Variants in FNDC3A observed in about 807,000 individuals in gnomAD.
FNDC3A encodes fibronectin type-III domain-containing protein 3A.
FNDC3A carries 32 observed loss-of-function variants against 148.9 expected under a neutral mutation model. The observed-to-expected ratio is 0.21, with a 90% CI of 0.16 to 0.29. The LOEUF (loss-of-function observed/expected upper bound fraction) is 0.29. Among genes scored for constraint, FNDC3A ranks in the 10% least tolerant of loss-of-function variants. The probability of loss-of-function intolerance (pLI) is 1.00; values close to 1 mark genes in which losing one functional copy is unlikely to be tolerated. For synonymous variants in FNDC3A, 472 were observed against 473.6 expected, an observed-to-expected ratio of 1.00 and a Z score of 0.04; for missense variants, 1,191 against 1,452.8, an observed-to-expected ratio of 0.82 and a Z score of 2.93.
At chr13:48,994,070 T>G (rs1369857331) in intron 1 of FNDC3A, among the ~76,000 whole-genome samples, 1 of 152,190 alleles carries the variant, frequency 6.6e-6, no homozygotes, top group Non-Finnish European at 1.5e-5. Context: ...TTAAATTACC[T>G]CTATTGATTG....
At chr13:49,162,852 T>C (rs1271645516) in intron 8 of FNDC3A, among the ~76,000 whole-genome samples, 1 of 152,216 alleles carries the variant, frequency 6.6e-6, no homozygotes, top group African/African-American at 2.4e-5. Context: ...TTAGTTTTCC[T>C]TCTAACAGTC....
At chr13:49,093,977 T>C (rs1879357791) in intron 3 of FNDC3A, among the ~76,000 whole-genome samples, 1 of 152,090 alleles carries the variant, frequency 6.6e-6, no homozygotes. Flanking sequence ...TAATCCTCTG[T>C]TTTGAGGAGT....
Position 49,170,648 on chromosome 13 carries a change from T to G in FNDC3A, c.1177-1395T>G, listed in dbSNP as rs9526528. 3.5e-3 allele frequency among the ~76,000 whole-genome samples: 532 copies of G among 152,346 alleles called. 2 individuals are homozygous for G. The highest frequency in any genetic ancestry group is 5.7e-3 in the Non-Finnish European group (386 of 68,022). ...AACAAATTCAGTTCTGCTCTACTTTTAATGACTTTGTGATCTGGGATGATT... is the reference window on the plus strand; with the variant it reads ...AACAAATTCAGTTCTGCTCTACTTTGAATGACTTTGTGATCTGGGATGATT... On this transcript the variant is annotated intron_variant, in intron 10 of 25. Coordinates refer to ENST00000492622, the MANE Select transcript of FNDC3A (RefSeq NM_001079673.2).
At chr13:49,013,240 G>C (rs1490325460) in intron 2 of FNDC3A, among the ~76,000 whole-genome samples, 1 of 152,042 alleles carries the variant, frequency 6.6e-6, no homozygotes. Context: ...ACTTGAGCCT[G>C]GGGGGTTGAG....
At chr13:49,077,845 T>C (rs758871740) in intron 3 of FNDC3A, among the ~76,000 whole-genome samples, 2 of 152,222 alleles carry the variant, frequency 1.3e-5, no homozygotes, top group South Asian at 4.1e-4. Flanking sequence ...GCAGCAGTTA[T>C]GGCAATTTCA....
At chr13:49,168,009 A>G (rs913420449) in intron 9 of FNDC3A, among the ~76,000 whole-genome samples, 4 of 152,230 alleles carry the variant, frequency 2.6e-5, no homozygotes, top group African/African-American at 9.6e-5. Flanking sequence ...ATTTAATAGG[A>G]AGAACTTAGA....
intron 5 of FNDC3A, among the ~76,000 whole-genome samples, chr13:49,133,697 C>T (rs1272616757): frequency 6.6e-6 from 1 of 152,170 alleles, no homozygotes; most frequent in Non-Finnish European, 1.5e-5. Flanking sequence ...GCACTATGCT[C>T]ACACATGTAT....
chr13:48,995,909 T>TA (rs1220806481), intron 1 of FNDC3A, among the ~76,000 whole-genome samples: 1 of 152,226 alleles, frequency 6.6e-6, no homozygotes, highest in African/African-American at 2.4e-5. Flanking sequence ...TCAAATACCT[T>TA]ATTTTTAGTC....
intron 2 of FNDC3A, among the ~76,000 whole-genome samples, chr13:49,050,012 G>A (rs542203266): frequency 7.9e-5 from 12 of 152,304 alleles, no homozygotes; most frequent in South Asian, 2.1e-4. Context: ...GAGCCACGGC[G>A]AACAGCCTTC....
intron 8 of FNDC3A, among the ~76,000 whole-genome samples, chr13:49,150,347 G>A (rs1239244219): frequency 2.0e-5 from 3 of 152,034 alleles, no homozygotes; most frequent in Non-Finnish European, 2.9e-5. Flanking sequence ...CTTGAGATGT[G>A]CATTGCTAGA....
intron 3 of FNDC3A, among the ~76,000 whole-genome samples, chr13:49,099,977 G>GT (rs1879763192): frequency 6.6e-6 from 1 of 152,052 alleles, no homozygotes; most frequent in Admixed American, 6.6e-5. Context: ...ATACAACATT[G>GT]TAAGCAATTT....
rs73184654 is a variant in FNDC3A, at chr13:49,025,939, G to T, written c.99+19650G>T. Reference sequence around the variant, plus strand: ...TATACTTCTAAATATTTCTCTTACAGAAAATCTTATATATAAGGCACACAT... The same window carrying T: ...TATACTTCTAAATATTTCTCTTACATAAAATCTTATATATAAGGCACACAT... On this transcript the variant is annotated intron_variant, in intron 2 of 25. Coordinates refer to ENST00000492622, the MANE Select transcript of FNDC3A (RefSeq NM_001079673.2). Among the ~76,000 whole-genome samples the T allele has an allele frequency of 5.3e-3, 806 of 152,190 alleles. 4 individuals carry two copies. The highest frequency in any genetic ancestry group is 0.014 in the Middle Eastern group (4 of 294).
intron 20 of FNDC3A, 139 bp from the exon 21 acceptor site, chr13:49,197,586 A>C: frequency 3.2e-6 from 2 of 628,130 alleles, no homozygotes; most frequent in Non-Finnish European, 5.5e-6. Context: ...AAAATTGAAC[A>C]GTTTTGATTG....
At chr13:48,996,001 A>G (rs1452203205) in intron 1 of FNDC3A, among the ~76,000 whole-genome samples, 1 of 152,194 alleles carries the variant, frequency 6.6e-6, no homozygotes, top group African/African-American at 2.4e-5. Flanking sequence ...ACATTTTAGG[A>G]TATCAGTTCA....
intron 14 of FNDC3A, among the ~76,000 whole-genome samples, chr13:49,180,908 A>AT (rs953755314): frequency 6.6e-6 from 1 of 151,750 alleles, no homozygotes; most frequent in African/African-American, 2.4e-5. Context: ...AAAAAAAAAA[A>AT]TTTGTTTTTT....
chr13:49,020,921 A>G (rs943860277), intron 2 of FNDC3A, among the ~76,000 whole-genome samples: 1 of 152,244 alleles, frequency 6.6e-6, no homozygotes, highest in Admixed American at 6.5e-5. Flanking sequence ...CTTAATCACT[A>G]TAAAAATAGT....
At chr13:49,008,268 A>G (rs1032738132) in intron 2 of FNDC3A, among the ~76,000 whole-genome samples, 18 of 152,206 alleles carry the variant, frequency 1.2e-4, no homozygotes, top group Non-Finnish European at 2.5e-4. Flanking sequence ...TAGCTATGAT[A>G]GAATGTAAGG....
chr13:49,164,158 GTA>G (rs1884324363), intron 8 of FNDC3A, among the ~76,000 whole-genome samples: 8 of 152,116 alleles, frequency 5.3e-5, no homozygotes. Flanking sequence ...ACTTTGTTGG[GTA>G]TAATATCCTT....
intron 16 of FNDC3A, 115 bp from the exon 17 acceptor site, chr13:49,188,400 T>G: frequency 1.5e-6 from 1 of 677,510 alleles, no homozygotes; most frequent in Non-Finnish European, 2.6e-6. Flanking sequence ...CTAAATTGTT[T>G]CTGACAAATT....
Sources: gnomAD v4.1 joint callset for allele counts (sites outside exome capture counted in the v4.1 genomes callset) on GRCh38, gnomAD v4.1.1 for gene constraint, MANE v1.5 for transcripts, NCBI Gene and HGNC (gene_info 2026-07-23, HGNC 2026-07-21) for gene names.